The following RNF130 variants were observed in gnomAD, a reference collection of about 807,000 sequenced individuals.
RNF130 encodes the protein E3 ubiquitin-protein ligase RNF130.
In RNF130, 21 loss-of-function variants were observed where a neutral mutation model predicts 44.6. That is an observed-to-expected ratio of 0.47 (90% CI 0.33 to 0.68). RNF130 has a LOEUF of 0.68. RNF130 is among the 30% of genes least tolerant of loss of function. The pLI is 0.02. For missense variants in RNF130, 479 were observed against 560.6 expected, an observed-to-expected ratio of 0.85 and a Z score of 1.47; for synonymous variants, 214 against 210.4, an observed-to-expected ratio of 1.02 and a Z score of -0.15.
chr5:180,071,359 G>A (rs891856842), intron 1 of RNF130, 97 bp downstream of exon 1: 2 of 1,144,590 alleles, frequency 1.7e-6, no homozygotes, highest in Admixed American at 4.3e-5. Context: ...CGGGCAGCGC[G>A]GGAGAGCCAG....
intron 1 of RNF130, among the ~76,000 whole-genome samples, chr5:180,054,790 C>G (rs1274975669): frequency 1.3e-5 from 2 of 152,072 alleles, no homozygotes; most frequent in African/African-American, 4.8e-5. Context: ...GCACAGGTAC[C>G]TTAACAAAAC....
intron 7 of RNF130, among the ~76,000 whole-genome samples, chr5:179,937,090 T>C (rs1206795586): frequency 2.4e-5 from 3 of 123,658 alleles, no homozygotes; most frequent in African/African-American, 9.2e-5. Flanking sequence ...AACAGACAAA[T>C]TGGATATCAT....
At chr5:180,001,979 G>C (rs1763356215) in intron 3 of RNF130, among the ~76,000 whole-genome samples, 1 of 152,208 alleles carries the variant, frequency 6.6e-6, no homozygotes, top group Non-Finnish European at 1.5e-5. Context: ...ATGCACAACT[G>C]CTCAGTCTGG....
intron 1 of RNF130, among the ~76,000 whole-genome samples, chr5:180,055,590 CGTTT>C (rs1216171412): frequency 6.6e-6 from 1 of 152,086 alleles, no homozygotes; most frequent in Non-Finnish European, 1.5e-5. Flanking sequence ...CTCATTCATC[CGTTT>C]GTTTTCAGAT....
At chr5:180,070,939 A>G (rs1056258048) in intron 1 of RNF130, among the ~76,000 whole-genome samples, 1 of 151,988 alleles carries the variant, frequency 6.6e-6, no homozygotes, top group Non-Finnish European at 1.5e-5. Context: ...GGGCAAGAAC[A>G]AGAGCCAAAA....
chr5:179,974,456 C>T (rs925293464), intron 5 of RNF130, among the ~76,000 whole-genome samples: 2 of 152,256 alleles, frequency 1.3e-5, no homozygotes, highest in African/African-American at 2.4e-5. Context: ...GCCCCTCCGC[C>T]ATGCCAACTG....
At chr5:180,069,759 C>A (rs1205827709) in intron 1 of RNF130, among the ~76,000 whole-genome samples, 2 of 152,220 alleles carry the variant, frequency 1.3e-5, no homozygotes, top group African/African-American at 4.8e-5. Flanking sequence ...AGGCCTGACT[C>A]AGAACCTTTA....
chr5:180,065,837 C>T (rs1765094511), intron 1 of RNF130, among the ~76,000 whole-genome samples: 2 of 151,436 alleles, frequency 1.3e-5, no homozygotes, highest in South Asian at 4.2e-4. Context: ...TAGTTTCTCT[C>T]TTTTTTTAAT....
chr5:179,970,361 TA>T, intron 6 of RNF130, 48 bp downstream of exon 6: 1 of 1,365,010 alleles, frequency 7.3e-7, no homozygotes, highest in Non-Finnish European at 1.0e-6. Context: ...GTATTACACA[TA>T]CATATAATAA....
chr5:179,999,966 G>A (rs1763297009), intron 3 of RNF130, among the ~76,000 whole-genome samples: 1 of 151,942 alleles, frequency 6.6e-6, no homozygotes, highest in African/African-American at 2.4e-5. Context: ...AAGGTTTGGC[G>A]GTTTACTGTA....
At chr5:179,956,003 C>G (rs1762204650) in intron 8 of RNF130, 2 of 228,542 alleles carry the variant, frequency 8.8e-6, no homozygotes, top group Non-Finnish European at 1.7e-5. Flanking sequence ...GCTGAGGGTG[C>G]TGAAATCTGC....
intron 1 of RNF130, among the ~76,000 whole-genome samples, chr5:180,046,048 G>A (rs865791032): frequency 6.6e-5 from 10 of 152,230 alleles, no homozygotes; most frequent in Non-Finnish European, 8.8e-5. Flanking sequence ...ACGGAGGGGG[G>A]TGGGGCTCGG....
At chr5:179,916,092 C>T (rs991703193) in exon 8 of RNF130, 3 of 152,198 alleles carry the variant, frequency 2.0e-5, no homozygotes, top group Non-Finnish European at 4.4e-5. Flanking sequence ...TGAGCAGCAA[C>T]CACTTGTCAA....
chr5:180,007,244 T>C (rs1182095909), intron 3 of RNF130, among the ~76,000 whole-genome samples: 1 of 151,974 alleles, frequency 6.6e-6, no homozygotes, highest in African/African-American at 2.4e-5. Flanking sequence ...CTACTAAAAA[T>C]ACAAAAATTA....
rs1762711888 is a variant in RNF130, at chr5:179,976,146, C to A, written c.848+2057G>T. Among the ~76,000 whole-genome samples the A allele has an allele frequency of 2.6e-5, 4 of 151,992 alleles. No homozygotes were observed. In the South Asian group the frequency reaches 8.3e-4, roughly 31 times the overall value. On this transcript the variant is annotated intron_variant, in intron 5 of 8. Coordinates refer to ENST00000521389, the MANE Select transcript of RNF130 (RefSeq NM_018434.6). ...AGCGGCCTGGGCAACATAGTGAGAC[C>A]CCAACTCTACAAAAAATAAAAATTA...
chr5:180,039,247 CT>C (rs945116160), intron 2 of RNF130, among the ~76,000 whole-genome samples: 4 of 148,542 alleles, frequency 2.7e-5, no homozygotes, highest in African/African-American at 4.9e-5. Flanking sequence ...CTTTTCTTTT[CT>C]TTTTTTTTTG....
intron 1 of RNF130, among the ~76,000 whole-genome samples, chr5:180,069,422 C>T (rs12652904): frequency 0.084 from 12,728 of 152,006 alleles, 713 homozygotes; most frequent in East Asian, 0.21. Context: ...ACCCCCACCC[C>T]GAGAAAACCT....
At chr5:179,939,143 G>C (rs1761938974) in intron 7 of RNF130, among the ~76,000 whole-genome samples, 1 of 152,088 alleles carries the variant, frequency 6.6e-6, no homozygotes, top group South Asian at 2.1e-4. Context: ...CTTGAACTCG[G>C]GAGGCAGAGG....
downstream of RNF130, among the ~76,000 whole-genome samples, chr5:179,954,254 A>G (rs573134976): frequency 6.6e-6 from 1 of 152,344 alleles, no homozygotes; most frequent in South Asian, 2.1e-4. Context: ...GGACATATCA[A>G]AGAGAACTGA....
Sources: gnomAD v4.1 joint callset for allele counts (sites outside exome capture counted in the v4.1 genomes callset) on GRCh38, gnomAD v4.1.1 for gene constraint, MANE v1.5 for transcripts, NCBI Gene and HGNC (gene_info 2026-07-23, HGNC 2026-07-21) for gene names.